The following NISCH variants were observed in gnomAD, a reference collection of about 807,000 sequenced individuals.
NISCH encodes the protein I-1 receptor candidate protein.
NISCH carries 55 observed loss-of-function variants against 138.4 expected under a neutral mutation model. The observed-to-expected ratio is 0.40, with a 90% CI of 0.32 to 0.50. NISCH has a LOEUF of 0.50. NISCH is among the 20% of genes least tolerant of loss of function. NISCH has a pLI of 0.71. For synonymous variants in NISCH, 860 were observed against 861.5 expected (o/e 1.00, Z 0.03); for missense variants, 1,643 against 2,005.5 (o/e 0.82, Z 3.45).
In NISCH at chr3:52,478,478, C is replaced by T. The variant is rs1431778915; in HGVS notation, c.1203C>T (p.Leu401=). ...AGGAGGTCCGGAGCATAGGCAGCCTCCCGTGTCTGGAGCACGTGTCTCTGC... is the reference window on the plus strand; with the variant it reads ...AGGAGGTCCGGAGCATAGGCAGCCTTCCGTGTCTGGAGCACGTGTCTCTGC... The part of the protein sequence containing the change: ...QMEEVRSIGS[L]PCLEHVSLLN... Residue 401 remains leucine (L), a synonymous_variant, in exon 11 of 21, where the codon CTC becomes CTT. Transcript: ENST00000345716. 6.2e-7 allele frequency: 1 copy of T among 1,614,102 alleles called. No homozygotes were observed. The highest frequency in any genetic ancestry group is 8.5e-7 in the Non-Finnish European group (1 of 1,180,048).
chr3:52,464,682 G>A (rs1336904337), intron 3 of NISCH, among the ~76,000 whole-genome samples: 6 of 151,588 alleles, frequency 4.0e-5, no homozygotes, highest in East Asian at 1.9e-4. Context: ...ACGCAACCAC[G>A]TCTGGCTGAT....
At chr3:52,456,104 A>G (rs890701246) in intron 1 of NISCH, among the ~76,000 whole-genome samples, 42 of 152,202 alleles carry the variant, frequency 2.8e-4, no homozygotes, top group African/African-American at 8.9e-4. Flanking sequence ...ACAGGGGTCC[A>G]GGAGGAAGGC....
At chr3:52,485,920 T>A (rs1027343161) in intron 15 of NISCH, 93 bp downstream of exon 15, 18 of 1,225,896 alleles carry the variant, frequency 1.5e-5, no homozygotes, top group East Asian at 2.6e-5. Flanking sequence ...CAGGTTTTTT[T>A]AAAAATCCGT....
At chr3:52,480,103 C>G in intron 12 of NISCH, 81 bp from the exon 13 acceptor site, 3 of 1,499,426 alleles carry the variant, frequency 2.0e-6, no homozygotes, top group Admixed American at 3.5e-5. Context: ...GGAACCGTTG[C>G]GCTCCCTCCT....
chr3:52,486,962 C>T (rs940823384), intron 15 of NISCH, among the ~76,000 whole-genome samples: 1 of 152,196 alleles, frequency 6.6e-6, no homozygotes, highest in African/African-American at 2.4e-5. Flanking sequence ...ACCTATGGTC[C>T]AAGCCCCTAG....
At position 52,481,067 on chromosome 3, in the gene NISCH, C is replaced by T. The variant is rs1386649284; in HGVS notation, c.1528+772C>T. 4 of 1,317,280 alleles carry T rather than the reference C, an allele frequency of 3.0e-6. No homozygotes were observed. The African/African-American group carries it at 4.5e-5, about 15-fold the overall frequency. 81.6% of individuals were successfully genotyped at this position (1,317,280 alleles called of 1,614,324 possible). A position where few individuals can be genotyped will look rare whatever the true frequency, so the allele number is the denominator to read the frequency against. On this transcript the variant is annotated intron_variant, in intron 13 of 20. Coordinates refer to ENST00000345716, the MANE Select transcript of NISCH (RefSeq NM_007184.4). ...GAGGTCTTGGGAAAACAGTTCAACC[C>T]GATGTTTTAAGAGCCAGAAAAACAT... is the stretch of plus-strand genomic sequence containing the variant.
intron 13 of NISCH, chr3:52,481,639 G>A (rs1050589086): frequency 3.6e-5 from 35 of 985,678 alleles, no homozygotes; most frequent in Non-Finnish European, 3.4e-5. Context: ...AGCATCTGTT[G>A]ATCAGTGAGT....
chr3:52,492,690 T>TGTCAGCCTCCC lies in NISCH; in HGVS notation c.*209_*219dup. The TGTCAGCCTCCC allele has an allele frequency of 1.5e-6, 1 of 668,532 alleles. No homozygotes were observed. Among genetic ancestry groups the TGTCAGCCTCCC allele is most frequent in the African/African-American group, 1.8e-5 (1 of 55,364 alleles). 41.4% of individuals were successfully genotyped at this position (668,532 alleles called of 1,614,324 possible). ...GGGCCCCTCAGGGCTGTCGGTGTGC[T>TGTCAGCCTCCC]GTCAGCCTCCCACAGGTGGTACAGC... On this transcript the variant is annotated 3_prime_UTR_variant, in exon 21 of 21. Transcript: ENST00000345716.
Position 52,470,920 on chromosome 3 carries a change from A to C in NISCH, c.409+13A>C. ...CTCTTTGAGAAAGGTATGTGGCCAC[A>C]TGTCCCTGAAATACTGAGCATAAGT... On this transcript the variant is annotated intron_variant, in intron 4 of 20. Coordinates refer to ENST00000345716, the MANE Select transcript of NISCH (RefSeq NM_007184.4). 1 of 1,613,782 alleles carries C rather than the reference A, an allele frequency of 6.2e-7. No individual in the cohort carries two copies. Among genetic ancestry groups the C allele is most frequent in the Non-Finnish European group, 8.5e-7 (1 of 1,179,710 alleles).
At chr3:52,475,360 C>T (rs1707071449) in intron 7 of NISCH, among the ~76,000 whole-genome samples, 2 of 152,210 alleles carry the variant, frequency 1.3e-5, no homozygotes, top group Admixed American at 6.5e-5. Context: ...AATAGGCCTG[C>T]CTTTCTCCAT....
At chr3:52,470,662 A>G (rs1706918267) in intron 3 of NISCH, 197 bp from the exon 4 acceptor site, 7 of 608,518 alleles carry the variant, frequency 1.2e-5, no homozygotes, top group Non-Finnish European at 1.5e-5. Context: ...GAGACATTTC[A>G]GGTATCCACA....
intron 20 of NISCH, 107 bp from the exon 21 acceptor site, chr3:52,491,765 C>T (rs370126213): frequency 7.1e-7 from 1 of 1,398,626 alleles, no homozygotes; most frequent in African/African-American, 1.4e-5. Context: ...AGCATCCTCT[C>T]CTGCCTGTCT....
rs868066867 is a variant in NISCH, at chr3:52,481,777, A to G, written c.1528+1482A>G. The G allele has an allele frequency of 7.3e-5, 72 of 985,532 alleles. 1 individual carries two copies. In the African/African-American group the frequency reaches 1.2e-3, roughly 17 times the overall value. 61.0% of individuals were successfully genotyped at this position (985,532 alleles called of 1,614,324 possible). A position where few individuals can be genotyped will look rare whatever the true frequency, so the allele number is the denominator to read the frequency against. ...GTCGGAGAAGCCTCTGCACCAGCTC[A>G]GCCCCCTCCTCACTCCCCTTGTGCC... On this transcript the variant is annotated intron_variant, in intron 13 of 20. Transcript: ENST00000345716.
At position 52,488,532 on chromosome 3, in the gene NISCH, G is replaced by A. The variant is rs764554023; in HGVS notation, c.3040G>A (p.Ala1014Thr). ...GCAGGACCTGAAGACTGTGGTCATC[G>A]CCAAGACCCCCGGGACGGGAGGCAG... is the stretch of plus-strand genomic sequence containing the variant. ...SLQDLKTVVI[A>T]KTPGTGGSPQ... Residue 1014 changes from alanine (A) to threonine (T), a missense_variant, in exon 16 of 21, where the codon GCC becomes ACC. Ala to Thr is a moderately conservative substitution (Grantham distance 58). Coordinates refer to ENST00000345716, the MANE Select transcript of NISCH (RefSeq NM_007184.4). 4.3e-6 allele frequency: 7 copies of A among 1,612,990 alleles called. No individual in the cohort carries two copies. The East Asian group carries it at 6.7e-5, about 15-fold the overall frequency.
chr3:52,475,273 C>T (rs1427149773), intron 7 of NISCH, among the ~76,000 whole-genome samples: 2 of 152,132 alleles, frequency 1.3e-5, no homozygotes, highest in African/African-American at 4.8e-5. Flanking sequence ...CACCTGGTCC[C>T]TCTCCGAGCA....
rs1707594667 is a variant in NISCH, at chr3:52,492,395, T to C, written c.4428T>C (p.Ala1476=). The C allele has an allele frequency of 5.0e-6, 8 of 1,613,038 alleles. No homozygotes were observed. In the East Asian group the frequency reaches 1.8e-4, roughly 36 times the overall value. ...EVQWQVFVPS[A]ESREKLISLL... ...AGTGGCAGGTGTTTGTCCCCAGTGC[T>C]GAGAGCAGAGAGAAGCTCATCTCGC... Residue 1476 remains alanine (A), a synonymous_variant, in exon 21 of 21, where the codon GCT becomes GCC. Coordinates refer to ENST00000345716, the MANE Select transcript of NISCH (RefSeq NM_007184.4).
At chr3:52,461,238 A>C (rs550891979) in intron 3 of NISCH, among the ~76,000 whole-genome samples, 1 of 152,272 alleles carries the variant, frequency 6.6e-6, no homozygotes, top group East Asian at 1.9e-4. Context: ...TGTCTCAAAG[A>C]AAAAAACAAA....
intron 13 of NISCH, among the ~76,000 whole-genome samples, chr3:52,483,777 G>T (rs1404317768): frequency 6.6e-6 from 1 of 152,242 alleles, no homozygotes; most frequent in Non-Finnish European, 1.5e-5. Context: ...AGGGGACGGG[G>T]TCATGTCTAG....
intron 3 of NISCH, among the ~76,000 whole-genome samples, chr3:52,466,999 C>CTT (rs11457136): frequency 0.041 from 4,983 of 122,666 alleles, 243 homozygotes; most frequent in African/African-American, 0.097. Context: ...GTTTCTTTTT[C>CTT]TTTTTTTTTT....
Sources: allele counts gnomAD v4.1 joint callset (sites outside exome capture counted in the v4.1 genomes callset), GRCh38; gene constraint gnomAD v4.1.1; transcripts MANE v1.5; gene names NCBI Gene and HGNC (gene_info 2026-07-23, HGNC 2026-07-21).